The following TEX36 variants were observed in gnomAD, a reference collection of about 807,000 sequenced individuals.
TEX36 encodes the protein testis-expressed protein 36.
A neutral mutation model predicts 13.6 loss-of-function variants in TEX36; 12 were observed. The observed-to-expected ratio is 0.88, with a 90% CI of 0.56 to 1.43. The LOEUF is 1.43. TEX36 is among the 40% of genes most tolerant of loss of function. TEX36 has a pLI of 0.00. For missense variants in TEX36, 224 were observed against 228.3 expected, an observed-to-expected ratio of 0.98 and a Z score of 0.12; for synonymous variants, 93 against 83.0, an observed-to-expected ratio of 1.12 and a Z score of -0.65.
Position 125,661,128 on chromosome 10 carries a change from A to G in TEX36, c.184-27T>C, listed in dbSNP as rs955469355. The G allele has an allele frequency of 1.3e-5, 20 of 1,523,448 alleles. No individual in the cohort carries two copies. In the African/African-American group the frequency reaches 2.3e-4, roughly 18 times the overall value. The allele number at this position is 1,523,448 out of a possible 1,614,324, so 94.4% of individuals were successfully genotyped here. On this transcript the variant is annotated intron_variant, in intron 2 of 3. Transcript: ENST00000368821. ...TGGAAAAGTGGGATGGAAGGGAAAG[A>G]GCACACATTAGAACCCTGCATGCTT...
chr10:125,652,525 T>A (rs1292106683), downstream of TEX36, among the ~76,000 whole-genome samples: 1 of 152,098 alleles, frequency 6.6e-6, no homozygotes, highest in Non-Finnish European at 1.5e-5. Flanking sequence ...CCTAAAACCA[T>A]AAAAACCCCA....
Position 125,630,904 on chromosome 10 carries a change from C to T in TEX36, c.265-9259G>A, listed in dbSNP as rs146133779. Reference sequence around the variant, plus strand: ...TGGAGTTAAAAAGGGAGGCCAGAGGCGGGGCTGTAGCACAGATGGGCAGGA... The same window carrying T: ...TGGAGTTAAAAAGGGAGGCCAGAGGTGGGGCTGTAGCACAGATGGGCAGGA... On this transcript the variant is annotated intron_variant, in intron 3 of 3. Coordinates refer to the TEX36 transcript ENST00000526819. Among the ~76,000 whole-genome samples the T allele has an allele frequency of 3.4e-3, 512 of 152,082 alleles. 2 individuals are homozygous for T. The highest frequency in any genetic ancestry group is 0.011 in the African/African-American group (461 of 41,452).
intron 3 of TEX36, among the ~76,000 whole-genome samples, chr10:125,642,815 G>A (rs878899537): frequency 6.6e-6 from 1 of 152,168 alleles, no homozygotes; most frequent in Admixed American, 6.5e-5. Context: ...TCTTTAGGAG[G>A]CAACAATGTC....
intron 3 of TEX36, among the ~76,000 whole-genome samples, chr10:125,648,393 A>T (rs781109437): frequency 3.3e-5 from 5 of 152,234 alleles, no homozygotes; most frequent in Admixed American, 6.5e-5. Context: ...GGCAAACAGC[A>T]TCCGGAGTGA....
chr10:125,656,486 A>C (rs1846946876), intron 3 of TEX36, among the ~76,000 whole-genome samples: 1 of 151,802 alleles, frequency 6.6e-6, no homozygotes. Context: ...TTGAACTCCT[A>C]AGCTCAGGCA....
intron 1 of TEX36, among the ~76,000 whole-genome samples, chr10:125,672,308 C>T (rs1589787957): frequency 6.6e-6 from 1 of 152,058 alleles, no homozygotes; most frequent in African/African-American, 2.4e-5. Context: ...TAGCTGTGTC[C>T]CAGAGATTCT....
At chr10:125,633,656 C>T (rs1445412360) in intron 3 of TEX36, among the ~76,000 whole-genome samples, 16 of 152,144 alleles carry the variant, frequency 1.1e-4, no homozygotes, top group African/African-American at 3.6e-4. Context: ...TCCCACTGAA[C>T]ATTATCTGAT....
At chr10:125,670,317 G>T (rs1847203041) in intron 1 of TEX36, among the ~76,000 whole-genome samples, 1 of 152,118 alleles carries the variant, frequency 6.6e-6, no homozygotes, top group South Asian at 2.1e-4. Context: ...TCTCATTGTG[G>T]TTTTGATTTG....
intron 3 of TEX36, among the ~76,000 whole-genome samples, chr10:125,616,231 C>A (rs1428631609): frequency 1.3e-5 from 2 of 152,058 alleles, no homozygotes; most frequent in African/African-American, 4.8e-5. Flanking sequence ...TTTCAAAAAA[C>A]CAGCTCCTGG....
intron 3 of TEX36, among the ~76,000 whole-genome samples, chr10:125,607,493 AC>A (rs1183981354): frequency 2.6e-5 from 4 of 152,210 alleles, no homozygotes; most frequent in Non-Finnish European, 4.4e-5. Context: ...TCTAACCTTG[AC>A]AGCAAATAAG....
At chr10:125,633,497 G>A (rs1364094818) in intron 3 of TEX36, among the ~76,000 whole-genome samples, 1 of 152,176 alleles carries the variant, frequency 6.6e-6, no homozygotes, top group Non-Finnish European at 1.5e-5. Flanking sequence ...CTATATAGCA[G>A]GAGAAAATGT....
intron 2 of TEX36, 100 bp from the exon 3 acceptor site, chr10:125,661,201 C>A (rs1178325543): frequency 3.2e-6 from 3 of 925,834 alleles, no homozygotes; most frequent in South Asian, 1.4e-5. Flanking sequence ...TGAGGCAAAG[C>A]GACCTCTAAG....
downstream of TEX36, among the ~76,000 whole-genome samples, chr10:125,616,792 C>G: frequency 7.5e-6 from 1 of 134,188 alleles, no homozygotes; most frequent in African/African-American, 2.9e-5. Context: ...CTGTAGATGT[C>G]TATTAGGTCC....
At chr10:125,611,277 G>A (rs950100688) in intron 3 of TEX36, among the ~76,000 whole-genome samples, 1 of 152,096 alleles carries the variant, frequency 6.6e-6, no homozygotes, top group South Asian at 2.1e-4. Flanking sequence ...TATTTTTAAA[G>A]TAGTTGATAG....
At chr10:125,653,281 T>C (rs1404329891), downstream of TEX36, among the ~76,000 whole-genome samples, 1 of 152,020 alleles carries the variant, frequency 6.6e-6, no homozygotes, top group African/African-American at 2.4e-5. Context: ...ATGTGGCACA[T>C]ATACACCATG....
At chr10:125,679,406 A>G (rs1565193065) in intron 1 of TEX36, among the ~76,000 whole-genome samples, 1 of 152,160 alleles carries the variant, frequency 6.6e-6, no homozygotes, top group Non-Finnish European at 1.5e-5. Context: ...AGATTTGAAA[A>G]TGGCACCTTG....
At chr10:125,641,072 G>A (rs1397068998) in intron 3 of TEX36, among the ~76,000 whole-genome samples, 1 of 151,928 alleles carries the variant, frequency 6.6e-6, no homozygotes, top group African/African-American at 2.4e-5. Flanking sequence ...CTGTAGACCA[G>A]CTGTGATATG....
At chr10:125,623,652 G>T (rs548381389) in intron 3 of TEX36, among the ~76,000 whole-genome samples, 3 of 152,098 alleles carry the variant, frequency 2.0e-5, no homozygotes, top group Non-Finnish European at 4.4e-5. Flanking sequence ...ACAGGAAGGT[G>T]CGAGGCCCTG....
intron 3 of TEX36, among the ~76,000 whole-genome samples, chr10:125,613,545 CT>C (rs1158248061): frequency 6.8e-6 from 1 of 148,066 alleles, no homozygotes; most frequent in Non-Finnish European, 1.5e-5. Flanking sequence ...GTTTTTTGTT[CT>C]TGCGATAGTT....
Sources: allele counts gnomAD v4.1 joint callset (sites outside exome capture counted in the v4.1 genomes callset), GRCh38; gene constraint gnomAD v4.1.1; transcripts MANE v1.5; gene names NCBI Gene and HGNC (gene_info 2026-07-23, HGNC 2026-07-21).